Variants in C2orf72 observed in about 807,000 individuals in gnomAD.
C2orf72 encodes chromosome 2 open reading frame 72.
A neutral mutation model predicts 14.4 loss-of-function variants in C2orf72; 16 were observed. That is an observed-to-expected ratio of 1.11 (90% CI 0.75 to 1.69). The LOEUF is 1.69. Ranked by LOEUF, C2orf72 falls within the 40% of genes most tolerant of loss-of-function variation. C2orf72 has a pLI of 0.00. For synonymous variants in C2orf72, 168 were observed against 176.8 expected (o/e 0.95, Z 0.40); for missense variants, 371 against 358.3 (o/e 1.04, Z -0.29).
chr2:231,040,781 G>A (rs980816126), intron 1 of C2orf72, among the ~76,000 whole-genome samples: 1 of 152,196 alleles, frequency 6.6e-6, no homozygotes, highest in African/African-American at 2.4e-5. Flanking sequence ...TTTGGGTGCG[G>A]GTTAAGAGTA....
intron 1 of C2orf72, among the ~76,000 whole-genome samples, chr2:231,039,856 C>T (rs552791665): frequency 1.2e-4 from 19 of 152,146 alleles, no homozygotes; most frequent in South Asian, 2.1e-4. Flanking sequence ...AATTCTTCTG[C>T]CTCAGCCTCC....
rs959916586 is a variant in C2orf72 at position 231,037,994 on chromosome 2, C to T, written c.429C>T (p.Val143=). The T allele has an allele frequency of 2.9e-6, 3 of 1,042,036 alleles. No homozygotes were observed. The highest frequency in any genetic ancestry group is 4.4e-5 in the South Asian group (1 of 22,706). The allele number at this position is 1,042,036 out of a possible 1,614,324, so 64.5% of individuals were successfully genotyped here. The change falls in exon 1 of 3, where the codon GTC becomes GTT. Residue 143 remains valine, a synonymous_variant. Transcript: ENST00000373640. ...GGCGGCGGGCCGGGGCGGCGCTGGT[C>T]GGGGTGCTGGTGGCCGAGGCCGGGC... ...RGRRRAGAAL[V]GVLVAEAGPE...
Position 231,047,146 on chromosome 2 carries a change from C to A in C2orf72, c.*125C>A. On this transcript the variant is annotated 3_prime_UTR_variant, in exon 3 of 3. Transcript: ENST00000373640. Reference sequence around the variant, plus strand: ...GCCTGCTGGAGGCCTGCCACACTCACAGTTACCAGCTAGACAGTGGGGCTT... The same window carrying A: ...GCCTGCTGGAGGCCTGCCACACTCAAAGTTACCAGCTAGACAGTGGGGCTT... 8.6e-7 allele frequency: 1 copy of A among 1,168,484 alleles called. No individual in the cohort carries two copies. Among genetic ancestry groups the A allele is most frequent in the Non-Finnish European group, 1.2e-6 (1 of 804,406 alleles). 72.4% of individuals were successfully genotyped at this position (1,168,484 alleles called of 1,614,324 possible). A position where few individuals can be genotyped will look rare whatever the true frequency, so the allele number is the denominator to read the frequency against.
In C2orf72 at chr2:231,037,590, G is replaced by T. The variant is rs1238022012; in HGVS notation, c.25G>T (p.Ala9Ser). Residue 9 changes from alanine (A) to serine (S), a missense_variant, in exon 1 of 3, where the codon GCG (alanine) becomes TCG (serine). By Grantham distance (99) the Ala-to-Ser change is moderately conservative (BLOSUM62 1). Transcript: ENST00000373640. MERELEAL[A>S]ARLARPAEPP... ...CATGGAGCGCGAGCTGGAGGCGCTG[G>T]CGGCCCGGCTTGCGCGCCCTGCCGA... is the stretch of plus-strand genomic sequence containing the variant. 238 of 1,065,378 alleles carry T rather than the reference G, an allele frequency of 2.2e-4. No individual in the cohort carries two copies. Among genetic ancestry groups the T allele is most frequent in the Non-Finnish European group, 2.6e-4 (230 of 883,018 alleles). The allele number at this position is 1,065,378 out of a possible 1,614,324, so 66.0% of individuals were successfully genotyped here.
chr2:231,045,418 T>C (rs2125138556), intron 2 of C2orf72, among the ~76,000 whole-genome samples: 1 of 152,072 alleles, frequency 6.6e-6, no homozygotes, highest in Non-Finnish European at 1.5e-5. Context: ...TCCACCAGCA[T>C]TGCCACAAAC....
chr2:231,043,820 G>T (rs1187407357), intron 2 of C2orf72, among the ~76,000 whole-genome samples: 1 of 152,164 alleles, frequency 6.6e-6, no homozygotes, highest in Admixed American at 6.5e-5. Context: ...ATAATTACAT[G>T]CATTTATACA....
In C2orf72 at chr2:231,047,235, C is replaced by G; in HGVS notation, c.*214C>G. On this transcript the variant is annotated 3_prime_UTR_variant, in exon 3 of 3. Transcript: ENST00000373640. ...GAACCTACTCCCCACCCAGCATTTG[C>G]TAAGTCTGATCACAGGGAGGTTATT... 1.5e-6 allele frequency: 1 copy of G among 682,876 alleles called. No homozygotes were observed. Among genetic ancestry groups the G allele is most frequent in the South Asian group, 1.5e-5 (1 of 66,220 alleles). 42.3% of individuals were successfully genotyped at this position (682,876 alleles called of 1,614,324 possible). A position where few individuals can be genotyped will look rare whatever the true frequency, so the allele number is the denominator to read the frequency against.
At position 231,047,106 on chromosome 2, in the gene C2orf72, A is replaced by C; in HGVS notation, c.*85A>C. On this transcript the variant is annotated 3_prime_UTR_variant, in exon 3 of 3. Coordinates refer to ENST00000373640, the MANE Select transcript of C2orf72 (RefSeq NM_001144994.2). ...TACTGGCCCCCAGGTCTCCATGGAG[A>C]CTGCAGAAACCCCCGCCTGCTGGAG... is the stretch of plus-strand genomic sequence containing the variant. The C allele has an allele frequency of 6.6e-7, 1 of 1,510,494 alleles. No homozygotes were observed. Among genetic ancestry groups the C allele is most frequent in the African/African-American group, 1.4e-5 (1 of 72,304 alleles). The allele number at this position is 1,510,494 out of a possible 1,614,324, so 93.6% of individuals were successfully genotyped here.
At chr2:231,044,666 ATT>A (rs934535205) in intron 2 of C2orf72, among the ~76,000 whole-genome samples, 24 of 115,074 alleles carry the variant, frequency 2.1e-4, no homozygotes, top group Non-Finnish European at 3.4e-4. Flanking sequence ...TCCTATTTTA[ATT>A]TTTTTTTTTT....
chr2:231,043,326 T>G (rs1346184542), intron 2 of C2orf72, among the ~76,000 whole-genome samples: 1 of 152,078 alleles, frequency 6.6e-6, no homozygotes, highest in African/African-American at 2.4e-5. Context: ...AAGGAAGGGC[T>G]TTATAAGGGG....
At chr2:231,044,962 T>C (rs575960195) in intron 2 of C2orf72, among the ~76,000 whole-genome samples, 145 of 146,430 alleles carry the variant, frequency 9.9e-4, no homozygotes, top group Non-Finnish European at 1.6e-3. Flanking sequence ...TATATATATA[T>C]ACACACACAC....
chr2:231,038,190 G>A lies in C2orf72; in HGVS notation c.625G>A (p.Gly209Arg), dbSNP rs984178451. ...CAGGGCCCTGCAAGCCGCCGGAGCC[G>A]GGCAACCAGGTGAGACTGCGCGGGG... ...ACRALQAAGA[G>R]QPVEGAWERP... is the part of the protein sequence containing the mutation. Residue 209 changes from glycine to arginine, a missense_variant, in exon 1 of 3, where the codon GGG becomes AGG. Transcript: ENST00000373640. 2.0e-5 allele frequency: 23 copies of A among 1,163,016 alleles called. No homozygotes were observed. Among genetic ancestry groups the A allele is most frequent in the Middle Eastern group, 7.1e-4 (2 of 2,820 alleles). The allele number at this position is 1,163,016 out of a possible 1,614,324, so 72.0% of individuals were successfully genotyped here. A position where few individuals can be genotyped will look rare whatever the true frequency, so the allele number is the denominator to read the frequency against.
At chr2:231,045,277 A>G (rs1381131146) in intron 2 of C2orf72, among the ~76,000 whole-genome samples, 1 of 151,346 alleles carries the variant, frequency 6.6e-6, no homozygotes, top group African/African-American at 2.4e-5. Flanking sequence ...AAATAATAAT[A>G]ATTTTATATA....
Position 231,037,824 on chromosome 2 carries a change from AGGGCGGCTGGGGCGGCGG to A in C2orf72, c.267_284del (p.Gly90_Ala95del), listed in dbSNP as rs1158795539. ...GGCGCGCGGGGCGCAGAGGGCGGCG[AGGGCGGCTGGGGCGGCGG>A]GGGCGGCGGCGGCGGCGGCGCGCGC... On this transcript the variant is annotated inframe_deletion, in exon 1 of 3. Coordinates refer to ENST00000373640, the MANE Select transcript of C2orf72 (RefSeq NM_001144994.2). 3.1e-6 allele frequency: 3 copies of A among 976,560 alleles called. No individual in the cohort carries two copies. The highest frequency in any genetic ancestry group is 3.6e-5 in the African/African-American group (2 of 54,826). 60.5% of individuals were successfully genotyped at this position (976,560 alleles called of 1,614,324 possible). A position where few individuals can be genotyped will look rare whatever the true frequency, so the allele number is the denominator to read the frequency against.
intron 2 of C2orf72, among the ~76,000 whole-genome samples, chr2:231,042,806 C>T (rs1400350007): frequency 6.6e-6 from 1 of 152,130 alleles, no homozygotes; most frequent in Non-Finnish European, 1.5e-5. Flanking sequence ...GGAGTTCAAG[C>T]CCAGCCTGAC....
At chr2:231,038,613 C>T (rs1693293329) in intron 1 of C2orf72, among the ~76,000 whole-genome samples, 1 of 152,014 alleles carries the variant, frequency 6.6e-6, no homozygotes, top group Non-Finnish European at 1.5e-5. Flanking sequence ...AGGAGATTGG[C>T]GGTGCCAGAA....
chr2:231,041,525 C>T, intron 2 of C2orf72, 116 bp downstream of exon 2: 2 of 723,072 alleles, frequency 2.8e-6, no homozygotes, highest in East Asian at 5.8e-5. Flanking sequence ...GGAGTGCTTG[C>T]CATGTGCCAG....
rs1264172885 is a variant in C2orf72 at position 231,048,983 on chromosome 2, A to C, written c.*1962A>C. On this transcript the variant is annotated 3_prime_UTR_variant, in exon 3 of 3. Transcript: ENST00000373640. ...TTGGAATTTGCCTAAGGCAGAAGTT[A>C]TAAGGCTTCATAACCTTTTGTATGT... 1.3e-5 allele frequency: 2 copies of C among 152,222 alleles called. No individual in the cohort carries two copies. Among genetic ancestry groups the C allele is most frequent in the East Asian group, 3.8e-4 (2 of 5,200 alleles). 9.4% of individuals were successfully genotyped at this position (152,222 alleles called of 1,614,324 possible). A position where few individuals can be genotyped will look rare whatever the true frequency, so the allele number is the denominator to read the frequency against.
At chr2:231,041,610 C>A (rs892178327) in intron 2 of C2orf72, among the ~76,000 whole-genome samples, 9 of 151,954 alleles carry the variant, frequency 5.9e-5, no homozygotes, top group African/African-American at 2.2e-4. Context: ...TGGGCTCTTT[C>A]CCCAGGAGTC....
Sources: gnomAD v4.1 joint callset for allele counts (sites outside exome capture counted in the v4.1 genomes callset) on GRCh38, gnomAD v4.1.1 for gene constraint, MANE v1.5 for transcripts, NCBI Gene and HGNC (gene_info 2026-07-23, HGNC 2026-07-21) for gene names.